Variants in CECR2 observed in about 807,000 individuals in gnomAD.
CECR2 encodes chromatin remodeling regulator CECR2.
Under a neutral mutation model 154.5 loss-of-function variants are expected in CECR2, and 30 were observed. The observed-to-expected ratio is 0.19, with a 90% CI of 0.15 to 0.26. The LOEUF is 0.26. CECR2 is among the 10% of genes least tolerant of loss of function. CECR2 has a pLI of 1.00. For missense variants in CECR2, 1,743 were observed against 1,829.3 expected, an observed-to-expected ratio of 0.95 and a Z score of 0.86; for synonymous variants, 725 against 683.7, an observed-to-expected ratio of 1.06 and a Z score of -0.94.
Position 17,452,100 on chromosome 22 carries a change from T to A in CECR2, c.127-25488T>A, listed in dbSNP as rs796152491. ...TTATTTATTTATTTTTGAGACAGGG[T>A]CTGGCTCTTTCGCCCAGCCTGGAGT... On this transcript the variant is annotated intron_variant, in intron 1 of 18. Transcript: ENST00000262608. Among the ~76,000 whole-genome samples, 13 of 152,264 alleles carry A rather than the reference T, an allele frequency of 8.5e-5. 1 individual carries two copies. Among genetic ancestry groups the A allele is most frequent in the African/African-American group, 2.6e-4 (11 of 41,538 alleles).
At chr22:17,414,168 T>C (rs555861196) in intron 1 of CECR2, among the ~76,000 whole-genome samples, 15 of 151,398 alleles carry the variant, frequency 9.9e-5, no homozygotes, top group Non-Finnish European at 1.8e-4. Flanking sequence ...GAGATGGGAT[T>C]TCACTGTGTT....
At chr22:17,473,185 A>G (rs949115990) in intron 1 of CECR2, among the ~76,000 whole-genome samples, 1 of 152,172 alleles carries the variant, frequency 6.6e-6, no homozygotes, top group African/African-American at 2.4e-5. Flanking sequence ...GGGCAGTGGT[A>G]ACTGGTCTCC....
In CECR2 at chr22:17,474,275, A is replaced by G. The variant is rs573427952; in HGVS notation, c.127-3313A>G. Among the ~76,000 whole-genome samples the G allele has an allele frequency of 4.6e-5, 7 of 152,336 alleles. No individual in the cohort carries two copies. In the South Asian group the frequency reaches 1.5e-3, roughly 32 times the overall value. ...TCTGACACAGTAAACATAATATCATAGAATTATATTTAAAAAGCAATTTTA... is the reference window on the plus strand; with the variant it reads ...TCTGACACAGTAAACATAATATCATGGAATTATATTTAAAAAGCAATTTTA... On this transcript the variant is annotated intron_variant, in intron 1 of 18. Coordinates refer to ENST00000262608, the MANE Select transcript of CECR2 (RefSeq NM_001290047.2).
intron 1 of CECR2, among the ~76,000 whole-genome samples, chr22:17,414,034 G>A (rs905286238): frequency 1.3e-5 from 2 of 149,206 alleles, no homozygotes; most frequent in Non-Finnish European, 3.0e-5. Flanking sequence ...GTGTGGTGGT[G>A]CAATCTCCGC....
chr22:17,419,632 G>A lies in CECR2; in HGVS notation c.126+49723G>A, dbSNP rs1234742856. ...TGGGAGCTGCCATTATGATGATTCC[G>A]CAGTTAATGGAGAAGTTTAACTTGG... On this transcript the variant is annotated intron_variant, in intron 1 of 18. Transcript: ENST00000262608. 5.5e-5 allele frequency: 18 copies of A among 330,060 alleles called. No homozygotes were observed. In the Middle Eastern group the frequency reaches 1.2e-3, roughly 21 times the overall value. 20.4% of individuals were successfully genotyped at this position (330,060 alleles called of 1,614,324 possible). A position where few individuals can be genotyped will look rare whatever the true frequency, so the allele number is the denominator to read the frequency against.
intron 8 of CECR2, among the ~76,000 whole-genome samples, chr22:17,519,231 G>A (rs1387281620): frequency 1.3e-5 from 2 of 151,904 alleles, no homozygotes; most frequent in African/African-American, 2.4e-5. Context: ...TGTGCAGTCC[G>A]TGCAGCCACT....
chr22:17,459,385 G>A (rs371035156), intron 1 of CECR2, among the ~76,000 whole-genome samples: 12 of 152,142 alleles, frequency 7.9e-5, no homozygotes, highest in East Asian at 1.9e-4. Context: ...GCAACTTCCC[G>A]GGTTCAAGCT....
chr22:17,446,017 G>A (rs2054656203), intron 1 of CECR2, among the ~76,000 whole-genome samples: 1 of 152,154 alleles, frequency 6.6e-6, no homozygotes, highest in Non-Finnish European at 1.5e-5. Context: ...GAATCTGCCA[G>A]CATGGGCCCT....
chr22:17,524,870 T>G (rs1043203019), intron 9 of CECR2: 1 of 410,340 alleles, frequency 2.4e-6, no homozygotes, highest in Non-Finnish European at 4.9e-6. Flanking sequence ...TTTTACCATG[T>G]TGGGCAGGTT....
At chr22:17,377,797 C>CT (rs1413807113) in intron 1 of CECR2, among the ~76,000 whole-genome samples, 1 of 152,006 alleles carries the variant, frequency 6.6e-6, no homozygotes, top group African/African-American at 2.4e-5. Context: ...TATTGGAAAA[C>CT]TTGGGGACAG....
rs149855334 is a variant in CECR2, at chr22:17,418,184, C to T, written c.126+48275C>T. Among the ~76,000 whole-genome samples the T allele has an allele frequency of 1.9e-3, 282 of 152,352 alleles. 2 individuals are homozygous for T. The highest frequency in any genetic ancestry group is 6.5e-3 in the African/African-American group (269 of 41,582). The stretch of plus-strand genomic sequence containing the variant: ...TCAAATCTGCCCCACCACACATACC[C>T]TGCCCCAGGCAATGGCTGATCTGAT... On this transcript the variant is annotated intron_variant, in intron 1 of 18. Transcript: ENST00000262608.
At chr22:17,483,441 C>T (rs1346439267) in intron 2 of CECR2, among the ~76,000 whole-genome samples, 1 of 151,748 alleles carries the variant, frequency 6.6e-6, no homozygotes, top group Non-Finnish European at 1.5e-5. Flanking sequence ...ATAGCAAGAC[C>T]CCTGTCTCTA....
chr22:17,477,037 C>T, intron 1 of CECR2: 1 of 698,436 alleles, frequency 1.4e-6, no homozygotes, highest in Non-Finnish European at 2.7e-6. Flanking sequence ...TCGCAATCAC[C>T]TTTCATCAGC....
chr22:17,382,185 C>A (rs5992040), intron 1 of CECR2, among the ~76,000 whole-genome samples: 20 of 151,626 alleles, frequency 1.3e-4, no homozygotes, highest in Admixed American at 2.6e-4. Flanking sequence ...CCACTGTGCC[C>A]GGCCAGAGAG....
At position 17,548,892 on chromosome 22, in the gene CECR2, A is replaced by G; in HGVS notation, c.3605A>G (p.Tyr1202Cys). 1 of 1,613,362 alleles carries G rather than the reference A, an allele frequency of 6.2e-7. No individual in the cohort carries two copies. The highest frequency in any genetic ancestry group is 8.5e-7 in the Non-Finnish European group (1 of 1,179,542). Reference protein sequence around the residue: ...PSYHHYQRTPYYACPQSFSDW... With the variant: ...PSYHHYQRTPCYACPQSFSDW... ...TACCACCACTATCAGCGAACTCCTT[A>G]CTATGCCTGTCCACAGAGCTTTTCT... is the stretch of plus-strand genomic sequence containing the variant. Residue 1202 changes from tyrosine to cysteine, a missense_variant, in exon 17 of 19, where the codon TAC becomes TGC. Tyr to Cys is a radical substitution (Grantham distance 194). Around this residue, in one of 4 missense-constraint regions of CECR2, gnomAD observed 1,250 missense variants for 1,192.1 expected, o/e 1.05. Coordinates refer to ENST00000262608, the MANE Select transcript of CECR2 (RefSeq NM_001290047.2).
At chr22:17,518,539 G>A (rs951650755) in intron 8 of CECR2, 7 of 267,034 alleles carry the variant, frequency 2.6e-5, no homozygotes, top group Non-Finnish European at 5.3e-5. Context: ...TGTCAATATG[G>A]ACTTCTAGAA....
intron 1 of CECR2, among the ~76,000 whole-genome samples, chr22:17,428,824 GTGTA>G (rs1489850406): frequency 7.4e-5 from 11 of 148,950 alleles, no homozygotes; most frequent in Non-Finnish European, 1.6e-4. Flanking sequence ...GTGTGTGTGT[GTGTA>G]TATAAAGGCA....
intron 1 of CECR2, among the ~76,000 whole-genome samples, chr22:17,380,556 G>A (rs2063175377): frequency 6.6e-6 from 1 of 152,120 alleles, no homozygotes; most frequent in South Asian, 2.1e-4. Flanking sequence ...CGTGTGACTT[G>A]GCATTGTGTC....
chr22:17,396,242 CAAAAA>C (rs543939674), intron 1 of CECR2, among the ~76,000 whole-genome samples: 1 of 91,340 alleles, frequency 1.1e-5, no homozygotes, highest in Non-Finnish European at 2.3e-5. Context: ...GACCCTTTCT[CAAAAA>C]AAAAAAAAAA....
Sources: allele counts gnomAD v4.1 joint callset (sites outside exome capture counted in the v4.1 genomes callset), GRCh38; gene constraint gnomAD v4.1.1; regional missense constraint gnomAD v4.1.1; transcripts MANE v1.5; gene names NCBI Gene and HGNC (gene_info 2026-07-23, HGNC 2026-07-21).